The following NATD1 variants were observed in gnomAD, a reference collection of about 807,000 sequenced individuals.
NATD1 encodes the protein protein NATD1.
A neutral mutation model predicts 12.0 loss-of-function variants in NATD1; 9 were observed. The observed-to-expected ratio is 0.75, with a 90% CI of 0.45 to 1.30. The LOEUF (loss-of-function observed/expected upper bound fraction) is 1.30, where lower values mean the gene tolerates loss of function less well. Among genes scored for constraint, NATD1 ranks in the 50% most tolerant of loss-of-function variants. The probability of loss-of-function intolerance (pLI) is 0.00; values close to 1 mark genes in which losing one functional copy is unlikely to be tolerated. For synonymous variants in NATD1, 71 were observed against 65.9 expected (o/e 1.08, Z -0.37); for missense variants, 148 against 148.5 (o/e 1.00, Z 0.02).
intron 1 of NATD1, among the ~76,000 whole-genome samples, chr17:21,247,487 C>T (rs1975336096): frequency 6.6e-6 from 1 of 152,186 alleles, no homozygotes; most frequent in Non-Finnish European, 1.5e-5. Context: ...CACAACCATC[C>T]CACTAAACAC....
At chr17:21,251,003 C>T (rs1439774302) in intron 1 of NATD1, among the ~76,000 whole-genome samples, 1 of 152,166 alleles carries the variant, frequency 6.6e-6, no homozygotes, top group Non-Finnish European at 1.5e-5. Context: ...CAGACTCAGA[C>T]GACCCCTCTC....
chr17:21,248,653 C>T (rs1307083179), intron 1 of NATD1, among the ~76,000 whole-genome samples: 1 of 152,216 alleles, frequency 6.6e-6, no homozygotes, highest in African/African-American at 2.4e-5. Flanking sequence ...CCTGCTGTCT[C>T]GGCTCACAGT....
At chr17:21,252,398 T>C (rs1412690647) in intron 1 of NATD1, among the ~76,000 whole-genome samples, 1 of 152,224 alleles carries the variant, frequency 6.6e-6, no homozygotes, top group East Asian at 1.9e-4. Context: ...TACCAGCACT[T>C]ACTAATCCCC....
intron 1 of NATD1, among the ~76,000 whole-genome samples, chr17:21,247,310 G>A (rs1975334301): frequency 6.6e-6 from 1 of 152,250 alleles, no homozygotes; most frequent in African/African-American, 2.4e-5. Context: ...CCTTGTGGCA[G>A]ACCTGTGGAC....
intron 1 of NATD1, among the ~76,000 whole-genome samples, chr17:21,246,483 C>T (rs891714488): frequency 2.0e-5 from 3 of 146,904 alleles, no homozygotes; most frequent in Non-Finnish European, 4.5e-5. Context: ...CATTGCACTC[C>T]AGGCTGGGCA....
In NATD1 at chr17:21,239,691, G is replaced by A. The variant is rs140478490; in HGVS notation, c.*3622C>T. On this transcript the variant is annotated 3_prime_UTR_variant, in exon 3 of 3. Transcript: ENST00000611551. ...TGTAATTCCAGCTACTCGGGAAGCT[G>A]AGGCAGGAGAATTGCTTGACCCGGG... is the stretch of plus-strand genomic sequence containing the variant. The A allele has an allele frequency of 7.5e-3, 1,142 of 152,428 alleles. 6 individuals carry two copies. Among genetic ancestry groups the A allele is most frequent in the South Asian group, 0.029 (139 of 4,826 alleles). The allele number at this position is 152,428 out of a possible 1,614,324, so 9.4% of individuals were successfully genotyped here.
Position 21,253,158 on chromosome 17 carries a change from C to T in NATD1, c.106+1G>A. 1 of 1,020,990 alleles carries T rather than the reference C, an allele frequency of 9.8e-7. No individual in the cohort carries two copies. Among genetic ancestry groups the T allele is most frequent in the East Asian group, 8.4e-5 (1 of 11,896 alleles). The allele number at this position is 1,020,990 out of a possible 1,614,324, so 63.2% of individuals were successfully genotyped here. On this transcript the variant is annotated splice_donor_variant, in intron 1 of 2. Transcript: ENST00000611551. LOFTEE classifies it high-confidence loss of function. ...GTCGGGGCGGGCCGGGGCCGCCTTA[C>T]CGTTGAGCCGGACAGTGAACTGGCG...
At position 21,253,189 on chromosome 17, in the gene NATD1, G is replaced by A; in HGVS notation, c.76C>T (p.Arg26Trp). The change falls in exon 1 of 3, where the codon CGG (arginine) becomes TGG (tryptophan). Residue 26 changes from arginine (R) to tryptophan (W), a missense_variant. Arg to Trp is a moderately radical substitution (Grantham distance 101, BLOSUM62 -3). Transcript: ENST00000611551. ...AGCCGGACAGTGAACTGGCGGCGCC[G>A]GCGGTCGTGCTCCACGCGGATGGGG... ...GCPIRVEHDR[R>W]RRQFTVRLNG... is the part of the protein sequence containing the mutation. 2.0e-6 allele frequency: 2 copies of A among 1,017,328 alleles called. No individual in the cohort carries two copies. The highest frequency in any genetic ancestry group is 2.3e-6 in the Non-Finnish European group (2 of 852,208). 63.0% of individuals were successfully genotyped at this position (1,017,328 alleles called of 1,614,324 possible). A position where few individuals can be genotyped will look rare whatever the true frequency, so the allele number is the denominator to read the frequency against.
At position 21,241,126 on chromosome 17, in the gene NATD1, A is replaced by C. The variant is rs1376245564; in HGVS notation, c.*2187T>G. The C allele has an allele frequency of 6.6e-6, 1 of 152,480 alleles. No homozygotes were observed. The highest frequency in any genetic ancestry group is 1.5e-5 in the Non-Finnish European group (1 of 68,174). 9.4% of individuals were successfully genotyped at this position (152,480 alleles called of 1,614,324 possible). ...CAGATCAAGAGTCACCTGCTAGAAC[A>C]CAGGGGTAGGAATCTTAGGTGGGAG... On this transcript the variant is annotated 3_prime_UTR_variant, in exon 3 of 3. Coordinates refer to ENST00000611551, the MANE Select transcript of NATD1 (RefSeq NM_152914.3).
rs1005096659 is a variant in NATD1 at position 21,244,688 on chromosome 17, C to A, written c.107-464G>T. 6.6e-6 allele frequency among the ~76,000 whole-genome samples: 1 copy of A among 152,202 alleles called. No individual in the cohort carries two copies. The highest frequency in any genetic ancestry group is 2.4e-5 in the African/African-American group (1 of 41,448). On this transcript the variant is annotated intron_variant, in intron 1 of 2. Transcript: ENST00000611551. This position sits in a 1 kb window ranked among gnomAD's most constrained non-coding sequence, Gnocchi z 5.2. ...GCAGCGCTGCGCCACGCATCAGGAC[C>A]ACCTGCTGGACCCTGAGAGAGACGC...
At position 21,241,859 on chromosome 17, in the gene NATD1, G is replaced by C. The variant is rs1253852660; in HGVS notation, c.*1454C>G. ...GAGAAGGAATGTGGGGGGTCTCGGT[G>C]CCAAGACTGGGGATAGCAAGGAGGT... On this transcript the variant is annotated 3_prime_UTR_variant, in exon 3 of 3. Coordinates refer to ENST00000611551, the MANE Select transcript of NATD1 (RefSeq NM_152914.3). 6.5e-6 allele frequency: 1 copy of C among 152,984 alleles called. No individual in the cohort carries two copies. The highest frequency in any genetic ancestry group is 2.4e-5 in the African/African-American group (1 of 41,408). 9.5% of individuals were successfully genotyped at this position (152,984 alleles called of 1,614,324 possible). A position where few individuals can be genotyped will look rare whatever the true frequency, so the allele number is the denominator to read the frequency against.
intron 1 of NATD1, 140 bp downstream of exon 1, chr17:21,253,019 G>T: frequency 3.4e-6 from 1 of 290,560 alleles, no homozygotes; most frequent in Non-Finnish European, 5.1e-6. Flanking sequence ...CCCGCGGCGC[G>T]CGCTTGCAAC....
chr17:21,240,136 T>A lies in NATD1; in HGVS notation c.*3177A>T, dbSNP rs1975253555. Reference sequence around the variant, plus strand: ...GCACAAAGCCACTCAGCTTCATAGCTGGGCTGTGGCCTCAGAGGCTTTTGT... The same window carrying A: ...GCACAAAGCCACTCAGCTTCATAGCAGGGCTGTGGCCTCAGAGGCTTTTGT... On this transcript the variant is annotated 3_prime_UTR_variant, in exon 3 of 3. Transcript: ENST00000611551. 6.6e-6 allele frequency: 1 copy of A among 152,302 alleles called. No homozygotes were observed. Among genetic ancestry groups the A allele is most frequent in the African/African-American group, 2.4e-5 (1 of 41,466 alleles). 9.4% of individuals were successfully genotyped at this position (152,302 alleles called of 1,614,324 possible).
intron 1 of NATD1, among the ~76,000 whole-genome samples, chr17:21,252,105 G>A (rs1315714443): frequency 6.6e-6 from 1 of 152,220 alleles, no homozygotes; most frequent in East Asian, 1.9e-4. Flanking sequence ...GAGGTCAGGA[G>A]TTCAAGACCA....
rs1038369907 is a variant in NATD1 at position 21,244,746 on chromosome 17, C to G, written c.107-522G>C. Among the ~76,000 whole-genome samples the G allele has an allele frequency of 1.3e-5, 2 of 152,242 alleles. No homozygotes were observed. The highest frequency in any genetic ancestry group is 2.4e-5 in the African/African-American group (1 of 41,460). The stretch of plus-strand genomic sequence containing the variant: ...AAGATCAGAGGCCTGTGGTAGAGTT[C>G]ATGAGAAACTGACGCTGGGCACAGG... On this transcript the variant is annotated intron_variant, in intron 1 of 2. Transcript: ENST00000611551. This position sits in a 1 kb window ranked among gnomAD's most constrained non-coding sequence, Gnocchi z 5.2.
intron 1 of NATD1, among the ~76,000 whole-genome samples, chr17:21,252,598 C>G (rs1037322628): frequency 3.9e-5 from 6 of 152,046 alleles, no homozygotes; most frequent in Non-Finnish European, 7.4e-5. Context: ...CTCACTCCCC[C>G]CAGGGGACCA....
Position 21,239,322 on chromosome 17 carries a change from G to A in NATD1, c.*3991C>T, listed in dbSNP as rs1381461217. The A allele has an allele frequency of 6.6e-6, 1 of 152,244 alleles. No individual in the cohort carries two copies. Among genetic ancestry groups the A allele is most frequent in the Non-Finnish European group, 1.5e-5 (1 of 68,082 alleles). The allele number at this position is 152,244 out of a possible 1,614,324, so 9.4% of individuals were successfully genotyped here. ...TTAAGGCTGTCATGAGCAGACATAA[G>A]ACCTCATATCACACAAGCTTGATGC... On this transcript the variant is annotated 3_prime_UTR_variant, in exon 3 of 3. Transcript: ENST00000611551.
intron 1 of NATD1, among the ~76,000 whole-genome samples, chr17:21,251,047 C>T (rs1363026678): frequency 1.3e-5 from 2 of 152,160 alleles, no homozygotes; most frequent in African/African-American, 4.8e-5. Flanking sequence ...CCCAGTGGGG[C>T]CTGGAAGCCC....
At chr17:21,252,275 T>TGTGTCGCCTGGGCGACA (rs1975383525) in intron 1 of NATD1, among the ~76,000 whole-genome samples, 1 of 68,440 alleles carries the variant, frequency 1.5e-5, no homozygotes, top group African/African-American at 7.5e-5. Flanking sequence ...ACAGGAACAT[T>TGTGTCGCCTGGGCGACA]GTGTCGCCTG....
Sources: gnomAD v4.1 joint callset for allele counts (sites outside exome capture counted in the v4.1 genomes callset) on GRCh38, gnomAD v4.1.1 for gene constraint, Gnocchi (gnomAD v3.1) non-coding constraint, MANE v1.5 for transcripts, NCBI Gene and HGNC (gene_info 2026-07-23, HGNC 2026-07-21) for gene names.